The following HORMAD2 variants were observed in gnomAD, a reference collection of about 807,000 sequenced individuals.
HORMAD2 encodes the protein HORMA domain containing 2.
Under a neutral mutation model 38.8 loss-of-function variants are expected in HORMAD2, and 45 were observed. The ratio of observed to expected loss-of-function variants is 1.16; its 90% CI spans 0.91 to 1.49. HORMAD2 has a LOEUF of 1.49. HORMAD2 is among the 40% of genes most tolerant of loss of function. The pLI is 0.00. For synonymous variants in HORMAD2, 126 were observed against 122.8 expected (o/e 1.03, Z -0.17); for missense variants, 338 against 367.0 (o/e 0.92, Z 0.65).
chr22:30,158,607 CTCCG>C (rs1384630139), intron 10 of HORMAD2, among the ~76,000 whole-genome samples: 4 of 120,844 alleles, frequency 3.3e-5, no homozygotes, highest in Admixed American at 2.6e-4. Flanking sequence ...CCCTCCCTCC[CTCCG>C]TCCCTCCCTC....
the HORMAD2 span, among the ~76,000 whole-genome samples, chr22:30,187,667 C>T: frequency 6.6e-6 from 1 of 152,042 alleles, no homozygotes; most frequent in African/African-American, 2.4e-5. Context: ...TTTGGAAGCA[C>T]TTATGATTGG....
At chr22:30,111,895 C>G in intron 6 of HORMAD2, 79 bp downstream of exon 6, 1 of 1,085,816 alleles carries the variant, frequency 9.2e-7, no homozygotes, top group Non-Finnish European at 1.3e-6. Context: ...TAAAACAGTA[C>G]TCTCCCTCTT....
intron 3 of HORMAD2, among the ~76,000 whole-genome samples, chr22:30,102,661 A>T (rs563393771): frequency 6.6e-6 from 1 of 152,288 alleles, no homozygotes; most frequent in South Asian, 2.1e-4. Flanking sequence ...GTCTCATTTC[A>T]TTGTCCGGGC....
upstream of HORMAD2, among the ~76,000 whole-genome samples, chr22:30,078,607 C>CACAAAAAAAA (rs2068415529): frequency 3.6e-5 from 1 of 28,102 alleles, no homozygotes; most frequent in African/African-American, 1.5e-4. Context: ...CTCTGTCTCA[C>CACAAAAAAAA]AAAAAAAAAA....
Position 30,176,165 on chromosome 22 carries a change from T to C in HORMAD2, c.922T>C (p.Ter308ArgextTer12). 6.4e-7 allele frequency: 1 copy of C among 1,573,584 alleles called. No individual in the cohort carries two copies. Among genetic ancestry groups the C allele is most frequent in the South Asian group, 1.1e-5 (1 of 90,100 alleles). Residue 308 changes from the stop codon to arginine (R), a stop_lost, in exon 11 of 11, where the codon TGA (stop) becomes CGA (arginine). Transcript: ENST00000336726. ...PVKVFIPNRK* is the reference protein window; with the variant it reads ...PVKVFIPNRKR Reference sequence around the variant, plus strand: ...GAAGGTCTTCATCCCTAACAGAAAATGAAAGCTAAATATTCCTTCTACATT... The same window carrying C: ...GAAGGTCTTCATCCCTAACAGAAAACGAAAGCTAAATATTCCTTCTACATT...
At chr22:30,179,426 G>A (rs917393529), downstream of HORMAD2, among the ~76,000 whole-genome samples, 1 of 152,290 alleles carries the variant, frequency 6.6e-6, no homozygotes, top group African/African-American at 2.4e-5. Context: ...TCATGGCTGA[G>A]ACTTGATACA....
chr22:30,126,727 G>A (rs1922895235), intron 10 of HORMAD2, among the ~76,000 whole-genome samples: 1 of 152,004 alleles, frequency 6.6e-6, no homozygotes, highest in African/African-American at 2.4e-5. Context: ...TGGGTCAAAG[G>A]GTATGTGTAT....
downstream of HORMAD2, among the ~76,000 whole-genome samples, chr22:30,179,538 T>C (rs1191545824): frequency 1.3e-5 from 2 of 152,190 alleles, no homozygotes; most frequent in Non-Finnish European, 2.9e-5. Flanking sequence ...TAAAGTCAAA[T>C]TCCTATTTAG....
chr22:30,127,152 A>C (rs1277572308), intron 10 of HORMAD2, among the ~76,000 whole-genome samples: 3 of 150,808 alleles, frequency 2.0e-5, no homozygotes, highest in South Asian at 2.1e-4. Context: ...TATCTTCTTC[A>C]ACCTTACGAG....
intron 7 of HORMAD2, among the ~76,000 whole-genome samples, chr22:30,115,001 T>A (rs904886043): frequency 6.6e-6 from 1 of 152,210 alleles, no homozygotes; most frequent in Admixed American, 6.5e-5. Flanking sequence ...AAATAAGATT[T>A]ACACAGCTTA....
the HORMAD2 span, among the ~76,000 whole-genome samples, chr22:30,203,394 C>CAAAA: frequency 2.3e-5 from 3 of 127,870 alleles, no homozygotes; most frequent in Non-Finnish European, 1.6e-5. Context: ...GACTCTGTCT[C>CAAAA]AAAAAAAAAA....
At chr22:30,174,027 A>T (rs183304046) in intron 10 of HORMAD2, among the ~76,000 whole-genome samples, 26 of 152,312 alleles carry the variant, frequency 1.7e-4, no homozygotes, top group African/African-American at 5.3e-4. Flanking sequence ...GGGCAACATC[A>T]TATACAGAAA....
intron 9 of HORMAD2, 86 bp downstream of exon 9, chr22:30,121,875 G>A (rs1922466063): frequency 6.5e-7 from 1 of 1,542,660 alleles, no homozygotes; most frequent in African/African-American, 1.4e-5. Context: ...GCATCTGAAA[G>A]AGAAGTCTGT....
intron 10 of HORMAD2, among the ~76,000 whole-genome samples, chr22:30,144,673 G>A (rs1264853049): frequency 6.6e-6 from 1 of 151,668 alleles, no homozygotes; most frequent in Non-Finnish European, 1.5e-5. Flanking sequence ...GCCTCTCCCA[G>A]CATAGAACCA....
intron 10 of HORMAD2, among the ~76,000 whole-genome samples, chr22:30,170,061 A>G (rs954365075): frequency 6.6e-6 from 1 of 152,316 alleles, no homozygotes; most frequent in East Asian, 1.9e-4. Flanking sequence ...GGGAATCAAA[A>G]CTAACATCAG....
intron 3 of HORMAD2, among the ~76,000 whole-genome samples, chr22:30,102,539 T>C (rs920903822): frequency 5.9e-5 from 9 of 152,238 alleles, no homozygotes; most frequent in African/African-American, 2.2e-4. Context: ...TCAATTTTAG[T>C]ATAGGAAAAC....
the HORMAD2 span, among the ~76,000 whole-genome samples, chr22:30,195,219 A>G: frequency 6.6e-6 from 1 of 151,206 alleles, no homozygotes; most frequent in African/African-American, 2.4e-5. Flanking sequence ...AAGGAAAACC[A>G]AGAGTAAACA....
At chr22:30,203,661 T>C in the HORMAD2 span, among the ~76,000 whole-genome samples, 1 of 152,088 alleles carries the variant, frequency 6.6e-6, no homozygotes, top group Non-Finnish European at 1.5e-5. Context: ...CCCACATACA[T>C]AAACACACTC....
At chr22:30,091,667 C>G (rs1257422621) in intron 1 of HORMAD2, among the ~76,000 whole-genome samples, 1 of 152,104 alleles carries the variant, frequency 6.6e-6, no homozygotes, top group Non-Finnish European at 1.5e-5. Context: ...ATAGATATCT[C>G]TTCCATATAC....
Sources: gnomAD v4.1 joint callset for allele counts (sites outside exome capture counted in the v4.1 genomes callset) on GRCh38, gnomAD v4.1.1 for gene constraint, MANE v1.5 for transcripts, NCBI Gene and HGNC (gene_info 2026-07-23, HGNC 2026-07-21) for gene names.